The following GMPS variants were observed in gnomAD, a reference collection of about 807,000 sequenced individuals.
GMPS encodes guanosine monophosphate synthase.
Under a neutral mutation model 77.9 loss-of-function variants are expected in GMPS, and 15 were observed. That is an observed-to-expected ratio of 0.19 (90% CI 0.13 to 0.30). GMPS has a LOEUF of 0.30. Ranked by LOEUF, GMPS falls within the 10% of genes least tolerant of loss-of-function variation. The probability of loss-of-function intolerance (pLI) is 1.00; values close to 1 mark genes in which losing one functional copy is unlikely to be tolerated. For missense variants in GMPS, 590 were observed against 838.8 expected, an observed-to-expected ratio of 0.70 and a Z score of 3.66; for synonymous variants, 224 against 275.9, an observed-to-expected ratio of 0.81 and a Z score of 1.86.
At position 155,927,736 on chromosome 3, in the gene GMPS, A is replaced by G. The variant is rs138590363; in HGVS notation, c.1560+2370A>G. 4.1e-3 allele frequency among the ~76,000 whole-genome samples: 621 copies of G among 152,284 alleles called. 10 individuals are homozygous for G. Among genetic ancestry groups the G allele is most frequent in the Admixed American group, 0.024 (362 of 15,296 alleles). ...TTTCTACTCTCCAGTTAAGTTTTGT[A>G]TGTGTCTTTCCAGAAACACTTTAAA... On this transcript the variant is annotated intron_variant, in intron 12 of 15. Coordinates refer to ENST00000496455, the MANE Select transcript of GMPS (RefSeq NM_003875.3).
At chr3:155,910,324 T>G (rs1337286348) in intron 5 of GMPS, among the ~76,000 whole-genome samples, 1 of 151,842 alleles carries the variant, frequency 6.6e-6, no homozygotes, top group Non-Finnish European at 1.5e-5. Context: ...ATCCTAGCAC[T>G]TTGGGAGGCT....
chr3:155,935,827 A>ACT (rs1467302614), intron 14 of GMPS, among the ~76,000 whole-genome samples: 1 of 152,216 alleles, frequency 6.6e-6, no homozygotes, highest in Admixed American at 6.5e-5. Context: ...TGTGTTAGAT[A>ACT]AACTTCATTC....
intron 1 of GMPS, among the ~76,000 whole-genome samples, chr3:155,876,711 C>T (rs1391213593): frequency 1.3e-5 from 2 of 152,024 alleles, no homozygotes; most frequent in Non-Finnish European, 2.9e-5. Context: ...TGATTTCTCC[C>T]CAGTGATGTG....
chr3:155,923,073 C>T (rs1755356426), intron 11 of GMPS, among the ~76,000 whole-genome samples: 1 of 152,006 alleles, frequency 6.6e-6, no homozygotes, highest in Non-Finnish European at 1.5e-5. Flanking sequence ...ACTGTCAGAA[C>T]AAGACCCTCA....
At chr3:155,905,851 ATGT>A (rs1215654673) in intron 4 of GMPS, among the ~76,000 whole-genome samples, 1 of 152,168 alleles carries the variant, frequency 6.6e-6, no homozygotes, top group Non-Finnish European at 1.5e-5. Context: ...CAGATATATA[ATGT>A]TGAAATTATT....
intron 1 of GMPS, among the ~76,000 whole-genome samples, chr3:155,879,339 C>G (rs1419794164): frequency 2.0e-5 from 3 of 149,356 alleles, no homozygotes; most frequent in Non-Finnish European, 4.4e-5. Context: ...GCTATCTCAG[C>G]TCACTGCAAC....
At chr3:155,885,156 T>C (rs6441022) in intron 1 of GMPS, among the ~76,000 whole-genome samples, 122,629 of 152,194 alleles carry the variant, frequency 0.81, 49,570 homozygotes, top group African/African-American at 0.83. Context: ...AAAGAGTTTT[T>C]TCAATGTATG....
chr3:155,934,513 G>GC (rs1291101498), intron 13 of GMPS, among the ~76,000 whole-genome samples: 1 of 152,122 alleles, frequency 6.6e-6, no homozygotes, highest in Non-Finnish European at 1.5e-5. Context: ...TTGGATTAGA[G>GC]CCCATCCTAA....
intron 1 of GMPS, among the ~76,000 whole-genome samples, chr3:155,876,167 C>G (rs1452939038): frequency 6.6e-6 from 1 of 152,112 alleles, no homozygotes; most frequent in African/African-American, 2.4e-5. Flanking sequence ...ACAAATACCC[C>G]ATATTTCCCA....
At position 155,943,231 on chromosome 3, in the gene GMPS, T is replaced by G. The variant is rs1408533233; in HGVS notation, c.*5539T>G. 5.6e-6 allele frequency: 1 copy of G among 179,196 alleles called. No homozygotes were observed. Among genetic ancestry groups the G allele is most frequent in the African/African-American group, 2.4e-5 (1 of 42,354 alleles). 11.1% of individuals were successfully genotyped at this position (179,196 alleles called of 1,614,324 possible). A position where few individuals can be genotyped will look rare whatever the true frequency, so the allele number is the denominator to read the frequency against. On this transcript the variant is annotated 3_prime_UTR_variant, in exon 16 of 16. Coordinates refer to ENST00000496455, the MANE Select transcript of GMPS (RefSeq NM_003875.3). ...AGGTGACAAGAATGAGACTCCGTCT[T>G]AAAACAAAAACAACATATTTGTTCA...
upstream of GMPS, chr3:155,870,430 A>T (rs1274879835): frequency 5.6e-6 from 1 of 179,024 alleles, no homozygotes. Context: ...GAGCCGGTGG[A>T]TGCCGCGGGC....
chr3:155,895,849 A>G (rs1453374136), intron 2 of GMPS, among the ~76,000 whole-genome samples: 1 of 152,148 alleles, frequency 6.6e-6, no homozygotes, highest in Non-Finnish European at 1.5e-5. Context: ...TAATAGCACT[A>G]AGAATCTTAT....
At chr3:155,935,670 A>G (rs913302252) in intron 14 of GMPS, among the ~76,000 whole-genome samples, 6 of 152,150 alleles carry the variant, frequency 3.9e-5, no homozygotes, top group African/African-American at 1.4e-4. Flanking sequence ...AGTCTTTTTC[A>G]TGGTCTCCTT....
At chr3:155,888,177 A>G (rs1754380471) in intron 1 of GMPS, among the ~76,000 whole-genome samples, 3 of 145,934 alleles carry the variant, frequency 2.1e-5, no homozygotes, top group Non-Finnish European at 4.5e-5. Flanking sequence ...CTAAAAAATT[A>G]TGTGTGCTTT....
intron 15 of GMPS, among the ~76,000 whole-genome samples, 193 bp from the exon 16 acceptor site, chr3:155,937,398 A>G (rs1268673855): frequency 6.6e-6 from 1 of 152,198 alleles, no homozygotes; most frequent in Non-Finnish European, 1.5e-5. Context: ...AATATTTTAA[A>G]CCTTAATAAC....
rs549760232 is a variant in GMPS at position 155,919,169 on chromosome 3, C to T, written c.1213-64C>T. The T allele has an allele frequency of 3.8e-5, 26 of 686,274 alleles. No homozygotes were observed. In the African/African-American group the frequency reaches 4.0e-4, roughly 10 times the overall value. 42.5% of individuals were successfully genotyped at this position (686,274 alleles called of 1,614,324 possible). A position where few individuals can be genotyped will look rare whatever the true frequency, so the allele number is the denominator to read the frequency against. ...AACAGGAAAAGCCAATAATTTATTA[C>T]GCTTTGTTTTCCATGTCATCTTGGT... On this transcript the variant is annotated intron_variant, in intron 9 of 15. Coordinates refer to ENST00000496455, the MANE Select transcript of GMPS (RefSeq NM_003875.3).
intron 1 of GMPS, among the ~76,000 whole-genome samples, chr3:155,871,790 C>T (rs1231246846): frequency 1.3e-5 from 2 of 152,228 alleles, no homozygotes; most frequent in Non-Finnish European, 2.9e-5. Flanking sequence ...TTGACGTACC[C>T]GGCGGGGAGA....
At chr3:155,923,380 A>G (rs1755368174) in intron 11 of GMPS, among the ~76,000 whole-genome samples, 1 of 151,900 alleles carries the variant, frequency 6.6e-6, no homozygotes, top group Non-Finnish European at 1.5e-5. Flanking sequence ...GAAATAATAG[A>G]AAAAAATGTA....
At chr3:155,897,565 T>C (rs1174933856) in intron 2 of GMPS, among the ~76,000 whole-genome samples, 1 of 152,194 alleles carries the variant, frequency 6.6e-6, no homozygotes, top group Non-Finnish European at 1.5e-5. Flanking sequence ...TGAGAAGACC[T>C]GTATTTTCAC....
Sources: gnomAD v4.1 joint callset for allele counts (sites outside exome capture counted in the v4.1 genomes callset) on GRCh38, gnomAD v4.1.1 for gene constraint, MANE v1.5 for transcripts, NCBI Gene and HGNC (gene_info 2026-07-23, HGNC 2026-07-21) for gene names.